HS3ST3B1: variants seen among roughly 807,000 people sequenced by gnomAD.
The protein encoded by HS3ST3B1 is heparan sulfate glucosamine 3-O-sulfotransferase 3B1.
Under a neutral mutation model 21.3 loss-of-function variants are expected in HS3ST3B1, and 13 were observed. That is an observed-to-expected ratio of 0.61 (90% CI 0.40 to 0.97). The LOEUF is 0.97. HS3ST3B1 is among the 50% of genes least tolerant of loss of function. The pLI, the probability that HS3ST3B1 is intolerant of heterozygous loss-of-function variation, is 0.00. For missense variants in HS3ST3B1, 459 were observed against 554.8 expected (o/e 0.83, Z 1.73); for synonymous variants, 234 against 254.8 (o/e 0.92, Z 0.78).
At chr17:14,339,795 G>A (rs1378805500) in intron 1 of HS3ST3B1, among the ~76,000 whole-genome samples, 2 of 152,178 alleles carry the variant, frequency 1.3e-5, no homozygotes, top group African/African-American at 4.8e-5. Flanking sequence ...GGCTGGACAG[G>A]CTGCTGAGGT....
intron 1 of HS3ST3B1, among the ~76,000 whole-genome samples, chr17:14,344,757 A>C (rs548587855): frequency 6.6e-6 from 1 of 152,308 alleles, no homozygotes; most frequent in East Asian, 1.9e-4. Context: ...GGGAAAGGTT[A>C]TACCCACAAG....
chr17:14,336,090 G>C (rs76737982), intron 1 of HS3ST3B1, among the ~76,000 whole-genome samples: 1,853 of 152,282 alleles, frequency 0.012, 43 homozygotes, highest in African/African-American at 0.041. Flanking sequence ...TGGGTGGGGT[G>C]AATGTTTCCC....
chr17:14,310,362 T>G (rs1909267925), intron 1 of HS3ST3B1, among the ~76,000 whole-genome samples: 1 of 152,074 alleles, frequency 6.6e-6, no homozygotes, highest in South Asian at 2.1e-4. Flanking sequence ...AGCCCACCCA[T>G]TTCTAGTGCT....
At chr17:14,322,542 G>A (rs1430308643) in intron 1 of HS3ST3B1, among the ~76,000 whole-genome samples, 4 of 152,106 alleles carry the variant, frequency 2.6e-5, no homozygotes, top group Admixed American at 2.6e-4. Flanking sequence ...TTGAGTATTG[G>A]ACTGGTATCT....
At chr17:14,306,946 AG>A (rs1343894244) in intron 1 of HS3ST3B1, among the ~76,000 whole-genome samples, 3 of 152,214 alleles carry the variant, frequency 2.0e-5, no homozygotes, top group Non-Finnish European at 4.4e-5. Context: ...GTTTTTAATT[AG>A]GCACCTAAAT....
chr17:14,314,083 G>A (rs949788484), intron 1 of HS3ST3B1, among the ~76,000 whole-genome samples: 6 of 151,892 alleles, frequency 4.0e-5, no homozygotes, highest in Admixed American at 2.0e-4. Context: ...GGGTTCAAGC[G>A]ATTCTCCTGC....
chr17:14,316,120 T>A (rs1446383656), intron 1 of HS3ST3B1, among the ~76,000 whole-genome samples: 2 of 152,112 alleles, frequency 1.3e-5, no homozygotes, highest in East Asian at 1.9e-4. Context: ...GTGCTCCCGC[T>A]CTCTCTCCAT....
intron 1 of HS3ST3B1, among the ~76,000 whole-genome samples, chr17:14,339,618 C>A (rs1229101965): frequency 6.6e-6 from 1 of 152,156 alleles, no homozygotes; most frequent in African/African-American, 2.4e-5. Context: ...TTGGAGATTA[C>A]AATAACTACC....
At chr17:14,332,256 C>G (rs1446482468) in intron 1 of HS3ST3B1, among the ~76,000 whole-genome samples, 1 of 152,122 alleles carries the variant, frequency 6.6e-6, no homozygotes, top group Non-Finnish European at 1.5e-5. Flanking sequence ...TCGGAGAAGA[C>G]AGTAGTTTAG....
chr17:14,312,627 C>A (rs568082823), intron 1 of HS3ST3B1, among the ~76,000 whole-genome samples: 1 of 152,146 alleles, frequency 6.6e-6, no homozygotes, highest in East Asian at 1.9e-4. Flanking sequence ...GTAGCCCTTG[C>A]CCCAACATCT....
At chr17:14,305,670 C>G (rs1047208559) in intron 1 of HS3ST3B1, among the ~76,000 whole-genome samples, 2 of 152,104 alleles carry the variant, frequency 1.3e-5, no homozygotes, top group African/African-American at 4.8e-5. Context: ...CACCTCGGTC[C>G]CCCTTTCCAT....
In HS3ST3B1 at chr17:14,345,774, T is replaced by C; in HGVS notation, c.*128T>C. The C allele has an allele frequency of 8.4e-7, 1 of 1,190,542 alleles. No individual in the cohort carries two copies. The highest frequency in any genetic ancestry group is 2.6e-4 in the Middle Eastern group (1 of 3,844). 73.7% of individuals were successfully genotyped at this position (1,190,542 alleles called of 1,614,324 possible). ...TTCATAAGCAATTAATTCACTAAGCTGCCTAGCCACACTCTTTAGAGAGTT... is the reference window on the plus strand; with the variant it reads ...TTCATAAGCAATTAATTCACTAAGCCGCCTAGCCACACTCTTTAGAGAGTT... On this transcript the variant is annotated 3_prime_UTR_variant, in exon 2 of 2. Coordinates refer to ENST00000360954, the MANE Select transcript of HS3ST3B1 (RefSeq NM_006041.3).
intron 1 of HS3ST3B1, chr17:14,305,387 GGGCTGT>G (rs370308060): frequency 6.7e-4 from 102 of 152,308 alleles, no homozygotes; most frequent in African/African-American, 2.3e-3. Context: ...GGGAAACACC[GGGCTGT>G]GGTTCAGGAG....
At chr17:14,340,174 C>T (rs1038078894) in intron 1 of HS3ST3B1, among the ~76,000 whole-genome samples, 4 of 152,182 alleles carry the variant, frequency 2.6e-5, no homozygotes, top group Non-Finnish European at 5.9e-5. Flanking sequence ...CCTGAACCTT[C>T]TCCCAGGACC....
At chr17:14,323,376 G>C (rs1286300217) in intron 1 of HS3ST3B1, among the ~76,000 whole-genome samples, 1 of 152,108 alleles carries the variant, frequency 6.6e-6, no homozygotes, top group African/African-American at 2.4e-5. Flanking sequence ...ATTTAACAAG[G>C]CCTATTTCTA....
chr17:14,336,081 G>A (rs976791574), intron 1 of HS3ST3B1, among the ~76,000 whole-genome samples: 1 of 152,174 alleles, frequency 6.6e-6, no homozygotes, highest in Non-Finnish European at 1.5e-5. Context: ...CAGGAGAAGT[G>A]GGTGGGGTGA....
chr17:14,328,039 T>C (rs1909869726), intron 1 of HS3ST3B1: 1 of 152,192 alleles, frequency 6.6e-6, no homozygotes, highest in Non-Finnish European at 1.5e-5. Flanking sequence ...TTAATCTCCT[T>C]GGTGTTTACT....
Position 14,301,476 on chromosome 17 carries a change from C to A in HS3ST3B1, c.-43C>A. On this transcript the variant is annotated 5_prime_UTR_variant, in exon 1 of 2. Coordinates refer to ENST00000360954, the MANE Select transcript of HS3ST3B1 (RefSeq NM_006041.3). ...CGCTCACTGCCCGGCGGGACCCACG[C>A]CATGTGCTGAGCCATGTCCCTGGCC... 7.1e-7 allele frequency: 1 copy of A among 1,414,806 alleles called. No individual in the cohort carries two copies. Among genetic ancestry groups the A allele is most frequent in the Non-Finnish European group, 9.2e-7 (1 of 1,088,614 alleles). 87.6% of individuals were successfully genotyped at this position (1,414,806 alleles called of 1,614,324 possible).
chr17:14,316,648 T>C, intron 1 of HS3ST3B1, among the ~76,000 whole-genome samples: 1 of 152,090 alleles, frequency 6.6e-6, no homozygotes, highest in East Asian at 1.9e-4. Context: ...CTAAATAACG[T>C]GAGTGCCACA....
Sources: gnomAD v4.1 joint callset for allele counts (sites outside exome capture counted in the v4.1 genomes callset) on GRCh38, gnomAD v4.1.1 for gene constraint, MANE v1.5 for transcripts, NCBI Gene and HGNC (gene_info 2026-07-23, HGNC 2026-07-21) for gene names.